Variants in PDE6C observed in about 807,000 individuals in gnomAD.
The protein encoded by PDE6C is phosphodiesterase 6C.
Under a neutral mutation model 113.1 loss-of-function variants are expected in PDE6C, and 75 were observed. That is an observed-to-expected ratio of 0.66 (90% confidence interval 0.55 to 0.80). The LOEUF is 0.80. Ranked by LOEUF, PDE6C falls within the 30% of genes least tolerant of loss-of-function variation. PDE6C has a pLI of 0.00. For synonymous variants in PDE6C, 375 were observed against 363.7 expected, an observed-to-expected ratio of 1.03 and a Z score of -0.35; for missense variants, 912 against 1,038.6, an observed-to-expected ratio of 0.88 and a Z score of 1.67.
chr10:93,644,821 AC>A (rs1358476620), intron 14 of PDE6C, among the ~76,000 whole-genome samples: 83 of 146,208 alleles, frequency 5.7e-4, no homozygotes, highest in Non-Finnish European at 6.6e-4. Flanking sequence ...TGTATATAGT[AC>A]TATATATATA....
chr10:93,624,193 A>T (rs2058461478), intron 4 of PDE6C, among the ~76,000 whole-genome samples: 1 of 151,946 alleles, frequency 6.6e-6, no homozygotes, highest in Non-Finnish European at 1.5e-5. Context: ...TTCTGTTGCT[A>T]CCCTTCTAGT....
intron 18 of PDE6C, among the ~76,000 whole-genome samples, chr10:93,660,704 TG>T (rs1226924221): frequency 6.6e-5 from 10 of 152,310 alleles, no homozygotes; most frequent in Non-Finnish European, 1.5e-4. Context: ...TCGACATGCC[TG>T]CTCTTCTTCC....
chr10:93,634,242 C>T (rs951660023), intron 8 of PDE6C, among the ~76,000 whole-genome samples: 14 of 152,032 alleles, frequency 9.2e-5, no homozygotes, highest in Non-Finnish European at 2.9e-5. Context: ...AGGCTGGTCT[C>T]GAGCTCCTGA....
chr10:93,654,774 CTTTCTTTCTT>C (rs1422618624), intron 15 of PDE6C, among the ~76,000 whole-genome samples: 3,671 of 55,882 alleles, frequency 0.066, 200 homozygotes, highest in African/African-American at 0.18. Context: ...TTCTTTCTTT[CTTTCTTTCTT>C]TCTTTCTTTC....
chr10:93,629,533 A>C (rs1287582400), intron 8 of PDE6C, among the ~76,000 whole-genome samples: 8 of 152,066 alleles, frequency 5.3e-5, no homozygotes, highest in Admixed American at 5.2e-4. Context: ...CCACTCCTCC[A>C]TTTGCTCACA....
intron 3 of PDE6C, 82 bp downstream of exon 3, chr10:93,621,062 T>G (rs1350253939): frequency 8.7e-7 from 1 of 1,143,142 alleles, no homozygotes; most frequent in Non-Finnish European, 1.3e-6. Context: ...AGACCCCTCC[T>G]ATTCCTCCTG....
chr10:93,643,490 G>A (rs1039514322), intron 14 of PDE6C, among the ~76,000 whole-genome samples: 1 of 152,074 alleles, frequency 6.6e-6, no homozygotes, highest in Non-Finnish European at 1.5e-5. Context: ...TGGGGCCCAA[G>A]CAATCCTCTC....
intron 14 of PDE6C, 139 bp downstream of exon 14, chr10:93,641,168 T>G: frequency 1.6e-6 from 1 of 643,898 alleles, no homozygotes; most frequent in South Asian, 1.9e-5. Context: ...TGGATTCTAT[T>G]CCCTCCCAAG....
chr10:93,629,249 G>T lies in PDE6C; in HGVS notation c.1072-9G>T. 1.2e-6 allele frequency: 2 copies of T among 1,606,536 alleles called. No homozygotes were observed. Among genetic ancestry groups the T allele is most frequent in the Middle Eastern group, 1.7e-4 (1 of 6,044 alleles). ...TATTTCAGACCATTTGTCTCCTCTT[G>T]CCTTCCAGATCTGTAACATGATGAA... is the stretch of plus-strand genomic sequence containing the variant. On this transcript the variant is annotated splice_polypyrimidine_tract_variant and intron_variant, in intron 7 of 21. Coordinates refer to ENST00000371447, the MANE Select transcript of PDE6C (RefSeq NM_006204.4).
At chr10:93,633,356 CT>C (rs1361031991) in intron 8 of PDE6C, among the ~76,000 whole-genome samples, 1 of 151,304 alleles carries the variant, frequency 6.6e-6, no homozygotes, top group Non-Finnish European at 1.5e-5. Flanking sequence ...ATCCCAGCTA[CT>C]CGTGAGGCTG....
Position 93,659,000 on chromosome 10 carries a change from G to A in PDE6C, c.2136G>A (p.Glu712=), listed in dbSNP as rs762930060. 1 of 1,597,798 alleles carries A rather than the reference G, an allele frequency of 6.3e-7. No homozygotes were observed. Among genetic ancestry groups the A allele is most frequent in the African/African-American group, 1.3e-5 (1 of 74,702 alleles). The part of the protein sequence containing the change: ...KYVTVDPTKK[E]IIMAMMMTAC... ...TAACTGTTGATCCAACCAAGAAAGA[G>A]ATTATCATGTAGGTAGTTGAAATTG... is the stretch of plus-strand genomic sequence containing the variant. Residue 712 remains glutamate (E), a synonymous_variant, in exon 17 of 22, where the codon GAG becomes GAA. Coordinates refer to ENST00000371447, the MANE Select transcript of PDE6C (RefSeq NM_006204.4).
At chr10:93,631,982 G>A (rs933059209) in intron 8 of PDE6C, among the ~76,000 whole-genome samples, 63 of 152,136 alleles carry the variant, frequency 4.1e-4, no homozygotes, top group African/African-American at 1.4e-3. Context: ...CTAAAATCAC[G>A]GTGCTGGTGG....
rs1564798172 is a variant in PDE6C at position 93,629,281 on chromosome 10, T to A, written c.1095T>A (p.Pro365=). ...NGFICNMMNA[P]ADEYFTFQKG... ...AGATCTGTAACATGATGAATGCCCC[T>A]GCGGATGAATACTTCACATTTCAGG... is the stretch of plus-strand genomic sequence containing the variant. The change falls in exon 8 of 22, where the codon CCT becomes CCA. Residue 365 remains proline (P), a synonymous_variant. Transcript: ENST00000371447. 2.5e-6 allele frequency: 4 copies of A among 1,612,000 alleles called. No individual in the cohort carries two copies. Among genetic ancestry groups the A allele is most frequent in the Non-Finnish European group, 3.4e-6 (4 of 1,178,026 alleles).
chr10:93,630,312 G>A (rs918910288), intron 8 of PDE6C, among the ~76,000 whole-genome samples: 3 of 151,526 alleles, frequency 2.0e-5, no homozygotes, highest in African/African-American at 4.9e-5. Flanking sequence ...CTGCAGACCC[G>A]AGTTGATCCC....
Position 93,620,666 on chromosome 10 carries a change from C to T in PDE6C, c.515C>T (p.Thr172Ile), listed in dbSNP as rs1342671616. ...TTTTCTGACTTCATGGACAAGCAAA[C>T]TGGGTATGTCACTAAGAACCTGCTG... The part of the protein sequence containing the change: ...SHFSDFMDKQ[T>I]GYVTKNLLAT... The change falls in exon 2 of 22, where the codon ACT becomes ATT. Residue 172 changes from threonine to isoleucine, a missense_variant. Coordinates refer to ENST00000371447, the MANE Select transcript of PDE6C (RefSeq NM_006204.4). 14 of 1,614,002 alleles carry T rather than the reference C, an allele frequency of 8.7e-6. No individual in the cohort carries two copies. The highest frequency in any genetic ancestry group is 9.3e-6 in the Non-Finnish European group (11 of 1,180,012).
chr10:93,665,547 A>AAAT lies in PDE6C; in HGVS notation c.*131_*133dup. 1.4e-6 allele frequency: 1 copy of AAAT among 711,954 alleles called. No individual in the cohort carries two copies. Among genetic ancestry groups the AAAT allele is most frequent in the South Asian group, 1.6e-5 (1 of 62,030 alleles). The allele number at this position is 711,954 out of a possible 1,614,324, so 44.1% of individuals were successfully genotyped here. A position where few individuals can be genotyped will look rare whatever the true frequency, so the allele number is the denominator to read the frequency against. On this transcript the variant is annotated 3_prime_UTR_variant, in exon 22 of 22. Coordinates refer to ENST00000371447, the MANE Select transcript of PDE6C (RefSeq NM_006204.4). Reference sequence around the variant, plus strand: ...AAAAACTACCCTGTGACTATGAAGAAAATATATATTGCTAGCCCAAAAATC... The same window carrying AAAT: ...AAAAACTACCCTGTGACTATGAAGAAAATAATATATATTGCTAGCCCAAAAATC...
In PDE6C at chr10:93,659,184, TTTC is replaced by T; in HGVS notation, c.2208+20_2208+22del. 6.3e-7 allele frequency: 1 copy of T among 1,575,824 alleles called. No homozygotes were observed. The highest frequency in any genetic ancestry group is 8.7e-7 in the Non-Finnish European group (1 of 1,147,534). On this transcript the variant is annotated intron_variant, in intron 18 of 21. Transcript: ENST00000371447. ...CAAAGTCAGGTGAGTCCAGTTAAGT[TTTC>T]TTTTCTGTCACACTGTCAGGTACTG...
In PDE6C at chr10:93,655,803, C is replaced by G. The variant is rs767703174; in HGVS notation, c.1979C>G (p.Thr660Arg). ...FQNLNKRQFE[T>R]VIHLFEVAII... ...AACCTAAATAAGCGGCAGTTTGAAA[C>G]AGTTATTCATTTGTTCGAGGTCGCA... The change falls in exon 16 of 22, where the codon ACA becomes AGA. Residue 660 changes from threonine (T) to arginine (R), a missense_variant. Transcript: ENST00000371447. 82 of 1,609,980 alleles carry G rather than the reference C, an allele frequency of 5.1e-5. No homozygotes were observed. The highest frequency in any genetic ancestry group is 1.1e-5 in the South Asian group (1 of 91,000).
chr10:93,655,991 C>CAT (rs1452231452), intron 16 of PDE6C, 131 bp downstream of exon 16: 1 of 707,308 alleles, frequency 1.4e-6, no homozygotes, highest in Non-Finnish European at 2.6e-6. Context: ...CACACACACA[C>CAT]ATACACACAA....
Sources: gnomAD v4.1 joint callset for allele counts (sites outside exome capture counted in the v4.1 genomes callset) on GRCh38, gnomAD v4.1.1 for gene constraint, MANE v1.5 for transcripts, NCBI Gene and HGNC (gene_info 2026-07-23, HGNC 2026-07-21) for gene names.